Variants in HSDL2 observed in about 807,000 individuals in gnomAD.
HSDL2 encodes hydroxysteroid dehydrogenase-like protein 2.
Under a neutral mutation model 46.3 loss-of-function variants are expected in HSDL2, and 27 were observed. The observed-to-expected ratio is 0.58, with a 90% CI of 0.43 to 0.80. The LOEUF is 0.80. Among genes scored for constraint, HSDL2 ranks in the 30% least tolerant of loss-of-function variants. The pLI is 0.00. For missense variants in HSDL2, 451 were observed against 502.7 expected (o/e 0.90, Z 0.98); for synonymous variants, 153 against 163.6 (o/e 0.94, Z 0.50).
At chr9:112,447,620 TAGC>T (rs1418080576) in intron 8 of HSDL2, among the ~76,000 whole-genome samples, 1 of 152,186 alleles carries the variant, frequency 6.6e-6, no homozygotes, top group African/African-American at 2.4e-5. Context: ...GCCCTTGCTT[TAGC>T]AGCCTCTGCT....
intron 1 of HSDL2, among the ~76,000 whole-genome samples, chr9:112,396,139 C>T (rs11523069): frequency 0.29 from 44,628 of 151,880 alleles, 6,852 homozygotes; most frequent in Admixed American, 0.38. Context: ...TTAATTTCAG[C>T]CCCCCATTGT....
chr9:112,434,538 T>C (rs1832476880), intron 6 of HSDL2, among the ~76,000 whole-genome samples: 1 of 152,254 alleles, frequency 6.6e-6, no homozygotes, highest in Non-Finnish European at 1.5e-5. Flanking sequence ...TCTCAGTCTG[T>C]ATCTTACAAT....
In HSDL2 at chr9:112,409,795, A is replaced by G. The variant is rs148503320; in HGVS notation, c.395+774A>G. On this transcript the variant is annotated intron_variant, in intron 4 of 10. Coordinates refer to ENST00000398805, the MANE Select transcript of HSDL2 (RefSeq NM_032303.5). ...TTGAGCCCAGGAGTTTGAGGCTACAATGAGCTGTGATCATGCCACTGCACT... is the reference window on the plus strand; with the variant it reads ...TTGAGCCCAGGAGTTTGAGGCTACAGTGAGCTGTGATCATGCCACTGCACT... Among the ~76,000 whole-genome samples the G allele has an allele frequency of 9.9e-5, 15 of 152,070 alleles. No individual in the cohort carries two copies. The East Asian group carries it at 2.5e-3, about 25-fold the overall frequency.
At chr9:112,451,704 C>T (rs922098394) in intron 8 of HSDL2, among the ~76,000 whole-genome samples, 9 of 151,020 alleles carry the variant, frequency 6.0e-5, no homozygotes, top group African/African-American at 2.2e-4. Context: ...CATGGTAATA[C>T]TGACCTCACA....
intron 8 of HSDL2, among the ~76,000 whole-genome samples, chr9:112,451,429 T>G (rs1344605277): frequency 3.9e-5 from 6 of 152,204 alleles, no homozygotes; most frequent in African/African-American, 1.4e-4. Context: ...GACGAACTGT[T>G]GGCCACATTT....
At chr9:112,409,856 A>G (rs1207996046) in intron 4 of HSDL2, among the ~76,000 whole-genome samples, 5 of 137,298 alleles carry the variant, frequency 3.6e-5, no homozygotes, top group African/African-American at 5.1e-5. Context: ...GTCTCCAAAG[A>G]AAAAAAAAAA....
intron 1 of HSDL2, among the ~76,000 whole-genome samples, chr9:112,396,726 C>T (rs1831465214): frequency 1.3e-5 from 2 of 151,958 alleles, no homozygotes; most frequent in African/African-American, 2.4e-5. Flanking sequence ...CCCGTGAGGA[C>T]AATTAAAGGG....
chr9:112,401,034 A>G (rs942585558), intron 1 of HSDL2, among the ~76,000 whole-genome samples: 1 of 152,176 alleles, frequency 6.6e-6, no homozygotes, highest in African/African-American at 2.4e-5. Flanking sequence ...TAACAGGGAG[A>G]TAAGGCCGGG....
intron 8 of HSDL2, among the ~76,000 whole-genome samples, chr9:112,453,005 A>C (rs1225159756): frequency 6.6e-6 from 1 of 152,136 alleles, no homozygotes; most frequent in East Asian, 1.9e-4. Context: ...TAATCTGAAT[A>C]AGTGAGACAG....
At chr9:112,428,493 G>A (rs886266753) in intron 6 of HSDL2, among the ~76,000 whole-genome samples, 3 of 152,184 alleles carry the variant, frequency 2.0e-5, no homozygotes, top group African/African-American at 7.2e-5. Context: ...GTCAAGACTC[G>A]TTGGTGAGGC....
intron 1 of HSDL2, among the ~76,000 whole-genome samples, chr9:112,397,990 A>G (rs1241560234): frequency 6.6e-6 from 1 of 152,140 alleles, no homozygotes; most frequent in East Asian, 1.9e-4. Flanking sequence ...TGGCGTAATA[A>G]GTGTTGCATG....
At chr9:112,415,844 C>T (rs1156888038) in intron 4 of HSDL2, among the ~76,000 whole-genome samples, 1 of 152,162 alleles carries the variant, frequency 6.6e-6, no homozygotes, top group Non-Finnish European at 1.5e-5. Context: ...TTCAGTTACT[C>T]TGTAGGAGTA....
At chr9:112,381,088 T>TAC (rs111459650) in intron 1 of HSDL2, among the ~76,000 whole-genome samples, 143 of 134,250 alleles carry the variant, frequency 1.1e-3, no homozygotes, top group African/African-American at 1.4e-3. Flanking sequence ...TACATCCGGA[T>TAC]ACACACACAC....
chr9:112,381,584 G>A (rs932696061), intron 1 of HSDL2, among the ~76,000 whole-genome samples: 1 of 152,102 alleles, frequency 6.6e-6, no homozygotes, highest in African/African-American at 2.4e-5. Flanking sequence ...TCAATCTCAT[G>A]ACCTCGTGAT....
At chr9:112,430,158 G>T (rs971585458) in intron 6 of HSDL2, among the ~76,000 whole-genome samples, 1 of 151,982 alleles carries the variant, frequency 6.6e-6, no homozygotes, top group Non-Finnish European at 1.5e-5. Context: ...GACCACCAGG[G>T]AAGGTAGGTT....
intron 1 of HSDL2, among the ~76,000 whole-genome samples, chr9:112,397,261 G>A (rs1438532982): frequency 1.3e-5 from 2 of 152,104 alleles, no homozygotes; most frequent in Admixed American, 6.6e-5. Context: ...GTGGGTCCCT[G>A]ATCCAATGCC....
chr9:112,448,073 T>C (rs1832790777), intron 8 of HSDL2, among the ~76,000 whole-genome samples: 1 of 152,194 alleles, frequency 6.6e-6, no homozygotes, highest in South Asian at 2.1e-4. Context: ...TGAAACAGTT[T>C]TGTCACCTCT....
intron 1 of HSDL2, among the ~76,000 whole-genome samples, chr9:112,383,455 A>AT (rs1831145404): frequency 6.9e-6 from 1 of 144,776 alleles, no homozygotes; most frequent in Non-Finnish European, 1.5e-5. Context: ...TATTGTCTAT[A>AT]TTTTTTATAG....
chr9:112,457,629 A>G (rs1417448672), intron 9 of HSDL2, among the ~76,000 whole-genome samples: 1 of 152,180 alleles, frequency 6.6e-6, no homozygotes, highest in Non-Finnish European at 1.5e-5. Context: ...TAGGCAACAG[A>G]GCAAGACCCT....
Sources: allele counts gnomAD v4.1 joint callset (sites outside exome capture counted in the v4.1 genomes callset), GRCh38; gene constraint gnomAD v4.1.1; transcripts MANE v1.5; gene names NCBI Gene and HGNC (gene_info 2026-07-23, HGNC 2026-07-21).